SAE1: variants seen among roughly 807,000 people sequenced by gnomAD.
SAE1 encodes the protein SUMO-activating enzyme subunit 1.
SAE1 carries 11 observed loss-of-function variants against 40.6 expected under a neutral mutation model. That is an observed-to-expected ratio of 0.27 (90% CI 0.17 to 0.45). SAE1 has a LOEUF of 0.45. Ranked by LOEUF, SAE1 falls within the 20% of genes least tolerant of loss-of-function variation. SAE1 has a pLI of 1.00. For missense variants in SAE1, 373 were observed against 427.3 expected, an observed-to-expected ratio of 0.87 and a Z score of 1.12; for synonymous variants, 155 against 154.3, an observed-to-expected ratio of 1.00 and a Z score of -0.03.
At chr19:47,145,304 C>T (rs531106521) in intron 2 of SAE1, among the ~76,000 whole-genome samples, 1 of 151,996 alleles carries the variant, frequency 6.6e-6, no homozygotes, top group Admixed American at 6.6e-5. Flanking sequence ...CCCGGCCATG[C>T]CTGGCTAAGT....
At chr19:47,142,924 A>C (rs775505586) in intron 1 of SAE1, among the ~76,000 whole-genome samples, 1 of 152,066 alleles carries the variant, frequency 6.6e-6, no homozygotes, top group Non-Finnish European at 1.5e-5. Flanking sequence ...TCTGTCTCCT[A>C]CTTTTTCATG....
chr19:47,152,894 G>T lies in SAE1; in HGVS notation c.385-4G>T, dbSNP rs1388313600. The T allele has an allele frequency of 1.2e-6, 2 of 1,611,030 alleles. No homozygotes were observed. The highest frequency in any genetic ancestry group is 1.7e-5 in the Admixed American group (1 of 59,800). On this transcript the variant is annotated splice_region_variant and splice_polypyrimidine_tract_variant and intron_variant, in intron 3 of 8. Transcript: ENST00000270225. ...AAACCCAGCCAATTTCTTTCTTTCT[G>T]CAGGTGTGTCTGACTTGCTGCTCCA... is the stretch of plus-strand genomic sequence containing the variant.
intron 6 of SAE1, among the ~76,000 whole-genome samples, chr19:47,196,953 C>A (rs866846217): frequency 6.6e-6 from 1 of 151,832 alleles, no homozygotes; most frequent in Non-Finnish European, 1.5e-5. Context: ...GAGGCCGAGG[C>A]GGGCGGATCA....
At chr19:47,194,502 C>A (rs2058600669) in intron 6 of SAE1, among the ~76,000 whole-genome samples, 1 of 152,172 alleles carries the variant, frequency 6.6e-6, no homozygotes, top group Non-Finnish European at 1.5e-5. Flanking sequence ...AACTGTAAAG[C>A]CCCCTCTCCA....
At chr19:47,169,692 C>T (rs1297487112) in intron 5 of SAE1, 126 bp from the exon 6 acceptor site, 23 of 708,358 alleles carry the variant, frequency 3.2e-5, no homozygotes, top group South Asian at 2.8e-4. Flanking sequence ...ATCAAATGGC[C>T]CCTGCTTCTT....
chr19:47,158,463 G>T (rs1405152211), intron 5 of SAE1, among the ~76,000 whole-genome samples: 1 of 152,206 alleles, frequency 6.6e-6, no homozygotes, highest in Non-Finnish European at 1.5e-5. Flanking sequence ...ACACTGACAT[G>T]CAGGAGCCAG....
At chr19:47,187,834 G>A (rs140644469) in intron 6 of SAE1, among the ~76,000 whole-genome samples, 14 of 152,092 alleles carry the variant, frequency 9.2e-5, no homozygotes, top group Admixed American at 7.2e-4. Flanking sequence ...TGGATTGCCC[G>A]GCCTGTGTCA....
chr19:47,161,741 C>G (rs1350458016), intron 5 of SAE1, among the ~76,000 whole-genome samples: 1 of 152,176 alleles, frequency 6.6e-6, no homozygotes, highest in Non-Finnish European at 1.5e-5. Flanking sequence ...CAGAAGTTAC[C>G]ACCCTCCTCA....
Position 47,143,622 on chromosome 19 carries a change from T to C in SAE1, c.210+17T>C. 1.9e-6 allele frequency: 3 copies of C among 1,567,302 alleles called. No homozygotes were observed. Among genetic ancestry groups the C allele is most frequent in the Non-Finnish European group, 2.6e-6 (3 of 1,137,404 alleles). ...CACGAACAGGTGCGCTGTTGTGAGC[T>C]CATTCCTCCCCTGCTCTGGCTCCCC... On this transcript the variant is annotated intron_variant, in intron 2 of 8. Coordinates refer to ENST00000270225, the MANE Select transcript of SAE1 (RefSeq NM_005500.3).
chr19:47,185,245 G>T (rs954802314), intron 6 of SAE1, among the ~76,000 whole-genome samples: 1 of 152,014 alleles, frequency 6.6e-6, no homozygotes, highest in Non-Finnish European at 1.5e-5. Context: ...TTTATATGTG[G>T]TACAGACTGA....
chr19:47,194,900 G>A (rs1436667027), intron 6 of SAE1, among the ~76,000 whole-genome samples: 3 of 151,980 alleles, frequency 2.0e-5, no homozygotes, highest in African/African-American at 4.8e-5. Flanking sequence ...GCGCCACCAC[G>A]CCTGGCTAAT....
At chr19:47,131,167 TGGG>T (rs1229601760) in intron 1 of SAE1, 139 bp downstream of exon 1, 1 of 1,411,684 alleles carries the variant, frequency 7.1e-7, no homozygotes, top group Non-Finnish European at 9.2e-7. Context: ...GTCTCTCTCT[TGGG>T]GGGACTGGAG....
At chr19:47,172,634 A>G (rs1234150312) in intron 6 of SAE1, among the ~76,000 whole-genome samples, 2 of 152,008 alleles carry the variant, frequency 1.3e-5, no homozygotes, top group Admixed American at 1.3e-4. Flanking sequence ...CTAGGAGGCA[A>G]AAGTTGCAGA....
intron 2 of SAE1, among the ~76,000 whole-genome samples, chr19:47,147,301 G>A (rs1435824554): frequency 2.0e-5 from 3 of 148,656 alleles, no homozygotes; most frequent in Non-Finnish European, 4.4e-5. Flanking sequence ...TAACTTCCTG[G>A]GCTCAGGGTA....
At chr19:47,157,705 C>G (rs1378136548) in intron 5 of SAE1, among the ~76,000 whole-genome samples, 1 of 152,200 alleles carries the variant, frequency 6.6e-6, no homozygotes, top group Non-Finnish European at 1.5e-5. Context: ...CAGCCTCTTC[C>G]TACGTGGAGC....
chr19:47,170,941 T>C (rs2058427251), intron 6 of SAE1, among the ~76,000 whole-genome samples: 1 of 152,098 alleles, frequency 6.6e-6, no homozygotes, highest in Non-Finnish European at 1.5e-5. Flanking sequence ...TTAGTAAGTA[T>C]TGGTTGGCTT....
chr19:47,153,079 T>C (rs761557764), intron 4 of SAE1, 39 bp downstream of exon 4: 1 of 1,531,852 alleles, frequency 6.5e-7, no homozygotes, highest in Non-Finnish European at 8.8e-7. Context: ...TAACATTTTC[T>C]CCTTTTTATA....
At chr19:47,205,281 T>C (rs545854084) in intron 8 of SAE1, among the ~76,000 whole-genome samples, 2 of 152,074 alleles carry the variant, frequency 1.3e-5, no homozygotes, top group African/African-American at 4.8e-5. Context: ...CTGGAGGCGT[T>C]TGGCTCAATT....
chr19:47,137,104 G>C (rs1052670185), intron 1 of SAE1, among the ~76,000 whole-genome samples: 2 of 152,072 alleles, frequency 1.3e-5, no homozygotes, highest in Non-Finnish European at 2.9e-5. Flanking sequence ...TTAAAAGAGA[G>C]TAAAGGCCGT....
Sources: allele counts gnomAD v4.1 joint callset (sites outside exome capture counted in the v4.1 genomes callset), GRCh38; gene constraint gnomAD v4.1.1; transcripts MANE v1.5; gene names NCBI Gene and HGNC (gene_info 2026-07-23, HGNC 2026-07-21).